Variants in DAB1 observed in about 807,000 individuals in gnomAD.
DAB1 encodes disabled homolog 1.
Under a neutral mutation model 64.6 loss-of-function variants are expected in DAB1, and 15 were observed. The observed-to-expected ratio is 0.23, with a 90% confidence interval of 0.16 to 0.36. The LOEUF (loss-of-function observed/expected upper bound fraction) is 0.36. Among genes scored for constraint, DAB1 ranks in the 10% least tolerant of loss-of-function variants. DAB1 has a pLI of 1.00. For missense variants in DAB1, 596 were observed against 706.7 expected (o/e 0.84, Z 1.78); for synonymous variants, 235 against 251.9 (o/e 0.93, Z 0.64).
intron 3 of DAB1, among the ~76,000 whole-genome samples, chr1:58,495,713 AAGTT>A (rs1447524113): frequency 6.6e-6 from 1 of 152,100 alleles, no homozygotes; most frequent in African/African-American, 2.4e-5. Flanking sequence ...AAAAAAAAAA[AAGTT>A]AGTTTTTGTA....
At position 57,691,948 on chromosome 1, in the gene DAB1, C is replaced by T. The variant is rs890990466; in HGVS notation, n.552-42283G>A. On this transcript the variant is annotated intron_variant and non_coding_transcript_variant, in intron 6 of 20. Transcript: ENST00000485760. ...ACTAAAGACATGGGTGTCAGGCTTTCTGGGAAAGGGCTCTCTAACAACCCC... is the reference window on the plus strand; with the variant it reads ...ACTAAAGACATGGGTGTCAGGCTTTTTGGGAAAGGGCTCTCTAACAACCCC... Among the ~76,000 whole-genome samples the T allele has an allele frequency of 3.9e-5, 6 of 152,104 alleles. No individual in the cohort carries two copies. The South Asian group carries it at 1.0e-3, about 26-fold the overall frequency.
intron 5 of DAB1, among the ~76,000 whole-genome samples, chr1:58,148,099 C>T (rs1654714112): frequency 6.6e-6 from 1 of 151,612 alleles, no homozygotes; most frequent in African/African-American, 2.4e-5. Context: ...ATCAAATCAA[C>T]AAAATGTTCT....
At chr1:57,444,173 A>G (rs570337971) in intron 7 of DAB1, among the ~76,000 whole-genome samples, 3 of 152,208 alleles carry the variant, frequency 2.0e-5, no homozygotes, top group Admixed American at 6.5e-5. Context: ...CTCCCCAGGC[A>G]CCTACTCTTA....
intron 2 of DAB1, among the ~76,000 whole-genome samples, chr1:58,514,725 A>T (rs1646133517): frequency 6.6e-6 from 1 of 152,202 alleles, no homozygotes; most frequent in Admixed American, 6.5e-5. Flanking sequence ...AGGCTGTTAT[A>T]AGATGTAAAG....
intron 7 of DAB1, among the ~76,000 whole-genome samples, chr1:57,454,312 T>C (rs1686499871): frequency 6.6e-6 from 1 of 152,172 alleles, no homozygotes; most frequent in African/African-American, 2.4e-5. Flanking sequence ...TACCATGGCA[T>C]ACTATGCAGT....
intron 4 of DAB1, among the ~76,000 whole-genome samples, chr1:57,086,362 T>C (rs1329978592): frequency 2.6e-5 from 4 of 152,070 alleles, no homozygotes; most frequent in African/African-American, 7.2e-5. Flanking sequence ...GGTTGGTTCA[T>C]AGGCGAACAG....
intron 7 of DAB1, among the ~76,000 whole-genome samples, chr1:57,537,489 TTTG>T (rs1644744769): frequency 6.6e-6 from 1 of 152,184 alleles, no homozygotes; most frequent in South Asian, 2.1e-4. Context: ...CCTGGATAGT[TTTG>T]TTTTGTTTTG....
At chr1:57,025,411 G>C (rs971524748) in intron 10 of DAB1, among the ~76,000 whole-genome samples, 148 of 152,234 alleles carry the variant, frequency 9.7e-4, no homozygotes, top group African/African-American at 2.4e-3. Flanking sequence ...GTGAGGCCCA[G>C]GTCATGGTCT....
intron 2 of DAB1, among the ~76,000 whole-genome samples, chr1:57,230,009 G>A (rs1238591649): frequency 1.3e-5 from 2 of 152,160 alleles, no homozygotes; most frequent in Admixed American, 1.3e-4. Flanking sequence ...ATCAAGACTT[G>A]TTTATTGAAG....
At chr1:58,448,972 A>T (rs1330389225) in intron 3 of DAB1, among the ~76,000 whole-genome samples, 1 of 152,240 alleles carries the variant, frequency 6.6e-6, no homozygotes, top group African/African-American at 2.4e-5. Flanking sequence ...TGGAAGAAAT[A>T]ATCATTGAGG....
rs554195229 is a variant in DAB1 at position 58,354,585 on chromosome 1, G to A, written n.258-11182C>T. On this transcript the variant is annotated intron_variant and non_coding_transcript_variant, in intron 3 of 20. Transcript: ENST00000485760. ...ATTGGTCTTTTCTTAAAGGTCTTTC[G>A]GCCTACTCACACGTGTCTCTTATGT... Among the ~76,000 whole-genome samples the A allele has an allele frequency of 3.5e-4, 54 of 152,156 alleles. 1 individual carries two copies. The highest frequency in any genetic ancestry group is 3.1e-4 in the Non-Finnish European group (21 of 68,014).
At chr1:57,782,005 C>T (rs1013358554) in intron 6 of DAB1, among the ~76,000 whole-genome samples, 10 of 152,102 alleles carry the variant, frequency 6.6e-5, no homozygotes, top group Non-Finnish European at 1.3e-4. Context: ...AACATTAATT[C>T]ACTAATTCTA....
At chr1:57,113,895 C>T (rs1655882328) in intron 4 of DAB1, among the ~76,000 whole-genome samples, 2 of 152,336 alleles carry the variant, frequency 1.3e-5, no homozygotes, top group Non-Finnish European at 2.9e-5. Flanking sequence ...ATAAATACCA[C>T]TACTCCTGAG....
At chr1:57,553,908 G>A (rs1281778905) in intron 7 of DAB1, among the ~76,000 whole-genome samples, 4 of 152,006 alleles carry the variant, frequency 2.6e-5, no homozygotes, top group Non-Finnish European at 4.4e-5. Context: ...GGAGGTTAAC[G>A]GGAGGGGGCA....
intron 3 of DAB1, among the ~76,000 whole-genome samples, chr1:58,500,423 T>C (rs1557442945): frequency 6.6e-6 from 1 of 152,212 alleles, no homozygotes; most frequent in Non-Finnish European, 1.5e-5. Flanking sequence ...TGTATAATAT[T>C]AATGATTTAT....
chr1:58,504,977 C>T (rs954417733), intron 3 of DAB1, among the ~76,000 whole-genome samples: 2 of 150,924 alleles, frequency 1.3e-5, no homozygotes, highest in Non-Finnish European at 2.9e-5. Context: ...TTTTTTGAGA[C>T]AGAGTCTCAC....
intron 6 of DAB1, among the ~76,000 whole-genome samples, chr1:57,687,897 C>A (rs1239405250): frequency 6.6e-6 from 1 of 152,060 alleles, no homozygotes; most frequent in Non-Finnish European, 1.5e-5. Context: ...CACTACTTTT[C>A]AGCATATACA....
At chr1:57,739,534 C>G (rs544886342) in intron 6 of DAB1, among the ~76,000 whole-genome samples, 6 of 144,746 alleles carry the variant, frequency 4.1e-5, no homozygotes, top group South Asian at 2.4e-4. Flanking sequence ...GCAACCTCCC[C>G]CTCCCAGGTT....
intron 5 of DAB1, among the ~76,000 whole-genome samples, chr1:58,094,117 T>C (rs140711098): frequency 6.6e-6 from 1 of 152,308 alleles, no homozygotes; most frequent in African/African-American, 2.4e-5. Context: ...ATAGGCCTAC[T>C]GGGGTGCAGC....
Sources: gnomAD v4.1 joint callset for allele counts (sites outside exome capture counted in the v4.1 genomes callset) on GRCh38, gnomAD v4.1.1 for gene constraint, MANE v1.5 for transcripts, NCBI Gene and HGNC (gene_info 2026-07-23, HGNC 2026-07-21) for gene names.